The following ADAMTS9 variants were observed in gnomAD, a reference collection of about 807,000 sequenced individuals.
ADAMTS9 encodes ADAM metallopeptidase with thrombospondin type 1 motif 9.
A neutral mutation model predicts 257.1 loss-of-function variants in ADAMTS9; 107 were observed. The ratio of observed to expected loss-of-function variants is 0.42; its 90% CI spans 0.36 to 0.49. The LOEUF is 0.49. ADAMTS9 is among the 20% of genes least tolerant of loss of function. The pLI is 0.03. For missense variants in ADAMTS9, 2,353 were observed against 2,469.1 expected (o/e 0.95, Z 1.00); for synonymous variants, 982 against 880.9 (o/e 1.11, Z -2.03).
At chr3:64,579,284 T>G (rs918045500) in intron 28 of ADAMTS9, among the ~76,000 whole-genome samples, 5 of 152,190 alleles carry the variant, frequency 3.3e-5, no homozygotes, top group African/African-American at 1.2e-4. Context: ...TCCCAGATAC[T>G]TACATGGCTT....
rs1227917187 is a variant in ADAMTS9 at position 64,649,728 on chromosome 3, G to A, written c.1514C>T (p.Pro505Leu). 1 of 1,613,950 alleles carries A rather than the reference G, an allele frequency of 6.2e-7. No homozygotes were observed. Among genetic ancestry groups the A allele is most frequent in the African/African-American group, 1.3e-5 (1 of 74,906 alleles). Residue 505 changes from proline (P) to leucine (L), a missense_variant, in exon 10 of 40, where the codon CCT (proline) becomes CTT (leucine). Pro to Leu is a moderately conservative substitution (Grantham distance 98, BLOSUM62 -3). Transcript: ENST00000498707. ...LLNEPESRPY[P>L]LPVQLPGILY... ...GATGCCTGGCAGTTGGACAGGCAAA[G>A]GGTAGGGTCTGGATTCAGGTTCGTT...
intron 28 of ADAMTS9, among the ~76,000 whole-genome samples, chr3:64,580,144 A>G (rs1335253908): frequency 6.6e-6 from 1 of 152,184 alleles, no homozygotes; most frequent in East Asian, 1.9e-4. Context: ...AAAACAGAAT[A>G]CAATGAAATG....
chr3:64,550,846 C>G (rs527327950), intron 31 of ADAMTS9, 46 bp downstream of exon 31: 1 of 1,607,782 alleles, frequency 6.2e-7, no homozygotes, highest in East Asian at 2.2e-5. Flanking sequence ...CTGCCACTCT[C>G]AGGCCATGGC....
chr3:64,625,203 G>T (rs1009173766), intron 16 of ADAMTS9, among the ~76,000 whole-genome samples: 1 of 152,144 alleles, frequency 6.6e-6, no homozygotes, highest in Non-Finnish European at 1.5e-5. Context: ...CATGCTGAAC[G>T]TGATTCACCA....
chr3:64,604,377 T>C, intron 23 of ADAMTS9, 46 bp from the exon 24 acceptor site: 1 of 1,373,436 alleles, frequency 7.3e-7, no homozygotes, highest in Non-Finnish European at 1.0e-6. Context: ...TTCAAGTCAA[T>C]GCACTTTCAA....
In ADAMTS9 at chr3:64,615,987, A is replaced by T. The variant is rs201007613; in HGVS notation, c.2997T>A (p.Gly999=). ...REKCSGECNT[G]GWRYSAWTEC... ...CAGTCCAGGCAGAATAGCGCCAGCC[A>T]CCCGTGTTACATTCCCCTGAGCATT... is the stretch of plus-strand genomic sequence containing the variant. The change falls in exon 20 of 40, where the codon GGT becomes GGA. Residue 999 remains glycine, a synonymous_variant. Transcript: ENST00000498707. The T allele has an allele frequency of 1.1e-5, 18 of 1,613,450 alleles. No individual in the cohort carries two copies. The highest frequency in any genetic ancestry group is 1.4e-5 in the Non-Finnish European group (17 of 1,179,970).
chr3:64,636,565 T>C (rs1700500768), intron 12 of ADAMTS9, among the ~76,000 whole-genome samples: 1 of 152,222 alleles, frequency 6.6e-6, no homozygotes, highest in African/African-American at 2.4e-5. Context: ...AGTTTAGCTA[T>C]TACAAGATTT....
At chr3:64,673,243 A>G (rs1419208428) in intron 3 of ADAMTS9, among the ~76,000 whole-genome samples, 2 of 152,176 alleles carry the variant, frequency 1.3e-5, no homozygotes, top group Admixed American at 6.5e-5. Flanking sequence ...CCATCAAGGC[A>G]CTTCAGACAA....
intron 22 of ADAMTS9, among the ~76,000 whole-genome samples, chr3:64,607,567 T>C (rs561617757): frequency 6.6e-6 from 1 of 152,268 alleles, no homozygotes; most frequent in African/African-American, 2.4e-5. Context: ...TACAGGTAGT[T>C]AGGAAAATAA....
chr3:64,542,194 G>A (rs1041629234), intron 32 of ADAMTS9, among the ~76,000 whole-genome samples: 2 of 150,218 alleles, frequency 1.3e-5, no homozygotes, highest in African/African-American at 4.9e-5. Context: ...ACATATATAT[G>A]TATAAAACAC....
At chr3:64,547,669 C>T (rs7635726) in intron 31 of ADAMTS9, among the ~76,000 whole-genome samples, 96,823 of 151,814 alleles carry the variant, frequency 0.64, 35,690 homozygotes, top group Non-Finnish European at 0.85. Flanking sequence ...TGTGCCACCA[C>T]ACCCAGCTAG....
intron 38 of ADAMTS9, among the ~76,000 whole-genome samples, chr3:64,526,506 T>C (rs182842309): frequency 1.2e-4 from 18 of 152,310 alleles, no homozygotes; most frequent in African/African-American, 4.3e-4. Flanking sequence ...AGCTGGCCCA[T>C]ACCACCAGCA....
At chr3:64,569,476 C>T (rs2083624534) in intron 28 of ADAMTS9, among the ~76,000 whole-genome samples, 1 of 152,122 alleles carries the variant, frequency 6.6e-6, no homozygotes, top group South Asian at 2.1e-4. Context: ...GCAATGAAAA[C>T]AGATTTCAAG....
intron 21 of ADAMTS9, among the ~76,000 whole-genome samples, chr3:64,614,092 C>A (rs1242596052): frequency 6.6e-6 from 1 of 152,050 alleles, no homozygotes; most frequent in African/African-American, 2.4e-5. Context: ...CCAAGGATAA[C>A]CATTATCAAT....
intron 16 of ADAMTS9, among the ~76,000 whole-genome samples, chr3:64,628,809 G>A (rs182625510): frequency 6.6e-6 from 1 of 152,134 alleles, no homozygotes; most frequent in East Asian, 1.9e-4. Context: ...CATTGACAAC[G>A]GCTGTTCAAC....
chr3:64,635,941 ACCC>A (rs1357617696), intron 12 of ADAMTS9, among the ~76,000 whole-genome samples: 1 of 151,608 alleles, frequency 6.6e-6, no homozygotes, highest in South Asian at 2.1e-4. Context: ...TACAAGGAAG[ACCC>A]CCTTCAATTT....
Position 64,522,233 on chromosome 3 carries a change from C to T in ADAMTS9, c.5746G>A (p.Gly1916Ser), listed in dbSNP as rs2082862616. The T allele has an allele frequency of 5.6e-6, 9 of 1,613,938 alleles. No homozygotes were observed. The highest frequency in any genetic ancestry group is 1.1e-5 in the South Asian group (1 of 91,090). Reference sequence around the variant, plus strand: ...GGAGTGCATTTTCCACAGTAACCACCGCATTTCCCTACGACTCGGGTACCA... The same window carrying T: ...GGAGTGCATTTTCCACAGTAACCACTGCATTTCCCTACGACTCGGGTACCA... The part of the protein sequence containing the change: ...PDGTRVVGKC[G>S]GYCGKCTPSS... The change falls in exon 39 of 40, where the codon GGT (glycine) becomes AGT (serine). Residue 1916 changes from glycine (G) to serine (S), a missense_variant. Around this residue, in one of 3 missense-constraint regions of ADAMTS9, gnomAD observed 1,402 missense variants for 1,441.4 expected, o/e 0.97. Coordinates refer to ENST00000498707, the MANE Select transcript of ADAMTS9 (RefSeq NM_182920.2).
intron 16 of ADAMTS9, among the ~76,000 whole-genome samples, chr3:64,630,625 G>A (rs1044416369): frequency 2.6e-5 from 4 of 152,090 alleles, no homozygotes; most frequent in African/African-American, 9.7e-5. Context: ...TGGGATGCAG[G>A]ATGTGTGGGC....
At chr3:64,622,615 T>C (rs770412123) in intron 16 of ADAMTS9, 29 bp from the exon 17 acceptor site, 167 of 1,609,726 alleles carry the variant, frequency 1.0e-4, no homozygotes, top group Non-Finnish European at 1.4e-4. Context: ...AATAATACAT[T>C]GATCTGCTGT....
Sources: allele counts gnomAD v4.1 joint callset (sites outside exome capture counted in the v4.1 genomes callset), GRCh38; gene constraint gnomAD v4.1.1; regional missense constraint gnomAD v4.1.1; transcripts MANE v1.5; gene names NCBI Gene and HGNC (gene_info 2026-07-23, HGNC 2026-07-21).